The following OTUD7A variants were observed in gnomAD, a reference collection of about 807,000 sequenced individuals.
OTUD7A encodes OTU deubiquitinase 7A, also known as OTU domain-containing protein 7A.
OTUD7A carries 12 observed loss-of-function variants against 65.7 expected under a neutral mutation model. That is an observed-to-expected ratio of 0.18 (90% confidence interval 0.12 to 0.30). OTUD7A has a LOEUF of 0.30. OTUD7A is among the 10% of genes least tolerant of loss of function. The pLI, the probability that OTUD7A is intolerant of heterozygous loss-of-function variation, is 1.00. For synonymous variants in OTUD7A, 641 were observed against 586.3 expected (o/e 1.09, Z -1.35); for missense variants, 1,148 against 1,304.8 (o/e 0.88, Z 1.85).
At chr15:31,737,101 T>C (rs1321175738) in intron 1 of OTUD7A, among the ~76,000 whole-genome samples, 3 of 152,154 alleles carry the variant, frequency 2.0e-5, no homozygotes, top group South Asian at 2.1e-4. Flanking sequence ...GAATTACAGA[T>C]GGCATGAAGA....
At chr15:31,700,265 T>A (rs1195983353) in intron 1 of OTUD7A, among the ~76,000 whole-genome samples, 1 of 151,142 alleles carries the variant, frequency 6.6e-6, no homozygotes, top group Admixed American at 6.6e-5. Context: ...GATAACTGAT[T>A]TATACTCACT....
At chr15:31,774,488 A>G (rs1224435695) in intron 1 of OTUD7A, among the ~76,000 whole-genome samples, 1 of 152,256 alleles carries the variant, frequency 6.6e-6, no homozygotes, top group Admixed American at 6.5e-5. Flanking sequence ...GTGAATGACT[A>G]TCTGCCTGCC....
At chr15:31,630,452 A>G (rs1891107188) in intron 3 of OTUD7A, among the ~76,000 whole-genome samples, 1 of 152,204 alleles carries the variant, frequency 6.6e-6, no homozygotes, top group East Asian at 1.9e-4. Context: ...CTGTGGTCTG[A>G]GAGACAGTTT....
At position 31,609,494 on chromosome 15, in the gene OTUD7A, A is replaced by T. The variant is rs191773972; in HGVS notation, c.152-39297T>A. ...TGCATGACTCAGCAGAGGCAGCCATAATCCTCCCAGGAACACAACTCCATT... is the reference window on the plus strand; with the variant it reads ...TGCATGACTCAGCAGAGGCAGCCATTATCCTCCCAGGAACACAACTCCATT... On this transcript the variant is annotated intron_variant, in intron 3 of 12. Transcript: ENST00000307050. Among the ~76,000 whole-genome samples the T allele has an allele frequency of 1.2e-4, 18 of 152,160 alleles. No homozygotes were observed. In the Middle Eastern group the frequency reaches 0.017, roughly 144 times the overall value.
At chr15:31,552,394 A>C (rs1482307220) in intron 5 of OTUD7A, among the ~76,000 whole-genome samples, 1 of 152,274 alleles carries the variant, frequency 6.6e-6, no homozygotes, top group East Asian at 1.9e-4. Flanking sequence ...GCTGGAGAAG[A>C]TAACTTAGTA....
chr15:31,746,687 G>C (rs988157581), intron 1 of OTUD7A, among the ~76,000 whole-genome samples: 1 of 151,934 alleles, frequency 6.6e-6, no homozygotes, highest in Non-Finnish European at 1.5e-5. Flanking sequence ...GTAGAGACAG[G>C]GTTTCTCCAT....
intron 10 of OTUD7A, among the ~76,000 whole-genome samples, chr15:31,495,723 G>A (rs2041373256): frequency 6.6e-6 from 1 of 152,184 alleles, no homozygotes; most frequent in African/African-American, 2.4e-5. Flanking sequence ...CAAGAGAAGG[G>A]AGACTAATTA....
intron 1 of OTUD7A, among the ~76,000 whole-genome samples, chr15:31,664,900 T>G (rs1360210963): frequency 6.6e-6 from 1 of 152,220 alleles, no homozygotes; most frequent in African/African-American, 2.4e-5. Flanking sequence ...CCCAGCATCG[T>G]TTGCTCAAAA....
In OTUD7A at chr15:31,484,836, C is replaced by T; in HGVS notation, c.1372-112G>A. 2.0e-6 allele frequency: 3 copies of T among 1,475,100 alleles called. No individual in the cohort carries two copies. The highest frequency in any genetic ancestry group is 1.4e-5 in the South Asian group (1 of 73,502). The allele number at this position is 1,475,100 out of a possible 1,614,324, so 91.4% of individuals were successfully genotyped here. On this transcript the variant is annotated intron_variant, in intron 12 of 12. Coordinates refer to ENST00000307050, the MANE Select transcript of OTUD7A (RefSeq NM_001382637.1). The surrounding 1 kb of genome is among the most constrained non-coding windows in gnomAD (Gnocchi z 4.5). ...TGCCGAGGCTAGGGCCCTGGACCTT[C>T]ACTGTCCCAGTCCCCACTGTCGCTC...
At position 31,605,181 on chromosome 15, in the gene OTUD7A, C is replaced by T. The variant is rs35875392; in HGVS notation, c.152-34984G>A. On this transcript the variant is annotated intron_variant, in intron 3 of 12. Transcript: ENST00000307050. ...CTCTCTGTGCTGTGTAGAATCGGTG[C>T]GTGTGGGTGTGCAGGGGGAATGGGT... Among the ~76,000 whole-genome samples the T allele has an allele frequency of 4.9e-3, 519 of 105,358 alleles. 3 individuals are homozygous for T. The highest frequency in any genetic ancestry group is 7.6e-3 in the Non-Finnish European group (358 of 47,164). 69.1% of individuals were successfully genotyped at this position (105,358 alleles called of 152,430 possible).
At chr15:31,714,360 C>T (rs1473780963) in intron 1 of OTUD7A, among the ~76,000 whole-genome samples, 1 of 152,002 alleles carries the variant, frequency 6.6e-6, no homozygotes, top group African/African-American at 2.4e-5. Flanking sequence ...ATTCATCACA[C>T]TGAGTTTAAA....
chr15:31,846,315 T>C (rs1312049344), intron 1 of OTUD7A, among the ~76,000 whole-genome samples: 1 of 152,216 alleles, frequency 6.6e-6, no homozygotes, highest in Non-Finnish European at 1.5e-5. Flanking sequence ...AAACTGTCTT[T>C]TTCTTTTTTG....
At chr15:31,717,559 A>G (rs1893624496) in intron 1 of OTUD7A, among the ~76,000 whole-genome samples, 1 of 152,198 alleles carries the variant, frequency 6.6e-6, no homozygotes, top group African/African-American at 2.4e-5. Flanking sequence ...GTCCCTACAA[A>G]GGACATGAAC....
At chr15:31,525,704 C>T (rs936810183) in intron 8 of OTUD7A, among the ~76,000 whole-genome samples, 13 of 152,232 alleles carry the variant, frequency 8.5e-5, no homozygotes, top group Admixed American at 2.6e-4. Context: ...AAGAATAAGC[C>T]GCGGCCAAGG....
chr15:31,666,783 T>C (rs951375527), intron 1 of OTUD7A, among the ~76,000 whole-genome samples: 2 of 152,152 alleles, frequency 1.3e-5, no homozygotes, highest in African/African-American at 4.8e-5. Flanking sequence ...TGAACTTTCC[T>C]CCTAGTATCC....
chr15:31,864,940 G>C (rs1897840800), intron 1 of OTUD7A, among the ~76,000 whole-genome samples: 1 of 152,114 alleles, frequency 6.6e-6, no homozygotes, highest in Admixed American at 6.5e-5. Flanking sequence ...TATCAATCTA[G>C]AACTTAAGAA....
At chr15:31,764,374 T>G (rs545333358) in intron 1 of OTUD7A, among the ~76,000 whole-genome samples, 1 of 152,152 alleles carries the variant, frequency 6.6e-6, no homozygotes, top group African/African-American at 2.4e-5. Context: ...AGGAATAGTA[T>G]GAAATTACAT....
chr15:31,624,169 G>A (rs886900192), intron 3 of OTUD7A, among the ~76,000 whole-genome samples: 68 of 152,316 alleles, frequency 4.5e-4, no homozygotes, highest in African/African-American at 1.6e-3. Flanking sequence ...GAGCACATGG[G>A]CATGTAGTTT....
At chr15:31,655,325 C>A (rs986405888) in intron 2 of OTUD7A, 75 bp from the exon 3 acceptor site, 2 of 663,766 alleles carry the variant, frequency 3.0e-6, no homozygotes, top group African/African-American at 3.8e-5. Flanking sequence ...CATGCAGAGA[C>A]CTGAGCGAGA....
Sources: gnomAD v4.1 joint callset for allele counts (sites outside exome capture counted in the v4.1 genomes callset) on GRCh38, gnomAD v4.1.1 for gene constraint, Gnocchi (gnomAD v3.1) non-coding constraint, MANE v1.5 for transcripts, NCBI Gene and HGNC (gene_info 2026-07-23, HGNC 2026-07-21) for gene names.